The following SMYD4 variants were observed in gnomAD, a reference collection of about 807,000 sequenced individuals.
SMYD4 encodes the protein SET and MYND domain containing 4.
A neutral mutation model predicts 72.8 loss-of-function variants in SMYD4; 68 were observed. The observed-to-expected ratio is 0.93, with a 90% CI of 0.77 to 1.14. The LOEUF (loss-of-function observed/expected upper bound fraction) is 1.14, where lower values mean the gene tolerates loss of function less well. SMYD4 is among the 50% of genes most tolerant of loss of function. The pLI is 0.00. For synonymous variants in SMYD4, 407 were observed against 388.6 expected (o/e 1.05, Z -0.56); for missense variants, 984 against 1,003.7 (o/e 0.98, Z 0.27).
At chr17:1,784,577 G>GT in intron 7 of SMYD4, 116 bp from the exon 8 acceptor site, 1 of 1,506,382 alleles carries the variant, frequency 6.6e-7, no homozygotes, top group Non-Finnish European at 8.8e-7. Context: ...AGAGACTCCT[G>GT]TAACAATACA....
At chr17:1,784,581 CAA>C in intron 7 of SMYD4, 120 bp from the exon 8 acceptor site, 1 of 1,496,470 alleles carries the variant, frequency 6.7e-7, no homozygotes, top group Non-Finnish European at 8.9e-7. Flanking sequence ...ACTCCTGTAA[CAA>C]TACATCGTGA....
intron 5 of SMYD4, among the ~76,000 whole-genome samples, chr17:1,794,039 A>ATATATATGTGTG (rs1567770772): frequency 2.9e-5 from 2 of 68,068 alleles, no homozygotes; most frequent in African/African-American, 8.7e-5. Context: ...ATATATATGT[A>ATATATATGTGTG]TGTATATATA....
At chr17:1,781,495 T>A in intron 10 of SMYD4, 56 bp from the exon 11 acceptor site, 1 of 1,580,424 alleles carries the variant, frequency 6.3e-7, no homozygotes, top group South Asian at 1.1e-5. Flanking sequence ...CAAATGTTAA[T>A]TGAGGGCCTA....
chr17:1,799,987 G>C lies in SMYD4; in HGVS notation c.1407C>G (p.Asn469Lys), dbSNP rs1380757815. 6.2e-7 allele frequency: 1 copy of C among 1,614,008 alleles called. No homozygotes were observed. Among genetic ancestry groups the C allele is most frequent in the African/African-American group, 1.3e-5 (1 of 74,904 alleles). ...LQAIPTERIVNSSQLKAAVTP... is the reference protein window; with the variant it reads ...LQAIPTERIVKSSQLKAAVTP... ...TCACTGCTGCTTTAAGCTGAGAGGA[G>C]TTCACAATCCTCTCAGTTGGGATGG... The change falls in exon 5 of 11, where the codon AAC becomes AAG. Residue 469 changes from asparagine (N) to lysine (K), a missense_variant. Asn to Lys is a moderately conservative substitution (Grantham distance 94). Coordinates refer to ENST00000305513, the MANE Select transcript of SMYD4 (RefSeq NM_052928.3).
chr17:1,800,122 A>G lies in SMYD4; in HGVS notation c.1272T>C (p.Ala424=). 1 of 1,611,156 alleles carries G rather than the reference A, an allele frequency of 6.2e-7. No individual in the cohort carries two copies. Among genetic ancestry groups the G allele is most frequent in the South Asian group, 1.1e-5 (1 of 90,676 alleles). The part of the protein sequence containing the change: ...INGKYENNYN[A]VFNLLPHTEN... ...CAGTGTGGGGCAAAAGGTTGAAGAC[A>G]GCATTATAATTATTTTCATACTTCC... is the stretch of plus-strand genomic sequence containing the variant. Residue 424 remains alanine, a synonymous_variant, in exon 5 of 11, where the codon GCT becomes GCC. Transcript: ENST00000305513.
chr17:1,806,824 T>C (rs1390633280), intron 3 of SMYD4, among the ~76,000 whole-genome samples: 1 of 152,206 alleles, frequency 6.6e-6, no homozygotes, highest in African/African-American at 2.4e-5. Flanking sequence ...ATTCCTCTTC[T>C]AGGAATTAAT....
chr17:1,823,486 A>G (rs1259888562), intron 2 of SMYD4, among the ~76,000 whole-genome samples: 1 of 151,784 alleles, frequency 6.6e-6, no homozygotes, highest in African/African-American at 2.4e-5. Flanking sequence ...GATATTCTGG[A>G]ATACGAACAA....
At chr17:1,785,384 C>G (rs1278067983) in intron 7 of SMYD4, among the ~76,000 whole-genome samples, 1 of 146,680 alleles carries the variant, frequency 6.8e-6, no homozygotes, top group Non-Finnish European at 1.5e-5. Flanking sequence ...CGAGATTGCA[C>G]CACTGCACTC....
In SMYD4 at chr17:1,787,521, AGTGGT is replaced by A; in HGVS notation, c.1616_1620del (p.Asn539IlefsTer3). 4 of 1,590,840 alleles carry A rather than the reference AGTGGT, an allele frequency of 2.5e-6. No homozygotes were observed. Among genetic ancestry groups the A allele is most frequent in the Non-Finnish European group, 3.4e-6 (4 of 1,168,810 alleles). Reference sequence around the variant, plus strand: ...GACACGCTGGTGTTGGGGCTACAGGAGTGGTTCAGGAGGCTGATAACAGGGAAGAT... The same window carrying A: ...GACACGCTGGTGTTGGGGCTACAGGATCAGGAGGCTGATAACAGGGAAGAT... On this transcript the variant is annotated frameshift_variant, in exon 6 of 11. Transcript: ENST00000305513. LOFTEE classifies it high-confidence loss of function.
chr17:1,784,439 C>T lies in SMYD4; in HGVS notation c.1907G>A (p.Gly636Asp). The T allele has an allele frequency of 3.7e-6, 6 of 1,614,180 alleles. No homozygotes were observed. The highest frequency in any genetic ancestry group is 5.1e-6 in the Non-Finnish European group (6 of 1,180,040). ...GGCGGATTCTGCACAAGATCTGCTG[C>T]CACAGCGCAGCACGTCATCTCCCTG... ...PMQGDDVLRC[G>D]SRSCAESAVS... Residue 636 changes from glycine (G) to aspartate (D), a missense_variant, in exon 8 of 11, where the codon GGC (glycine) becomes GAC (aspartate). By Grantham distance (94) the Gly-to-Asp change is moderately conservative (BLOSUM62 -1). Coordinates refer to ENST00000305513, the MANE Select transcript of SMYD4 (RefSeq NM_052928.3).
chr17:1,824,866 C>G (rs1336079012), intron 2 of SMYD4, among the ~76,000 whole-genome samples: 1 of 151,990 alleles, frequency 6.6e-6, no homozygotes, highest in African/African-American at 2.4e-5. Context: ...TTCAAGTGAT[C>G]CTCCTGCCCC....
chr17:1,821,014 G>C (rs908787889), intron 2 of SMYD4, among the ~76,000 whole-genome samples: 5 of 152,078 alleles, frequency 3.3e-5, no homozygotes, highest in African/African-American at 1.2e-4. Context: ...ATTAGTGAGA[G>C]ACATACAGAG....
intron 7 of SMYD4, 80 bp from the exon 8 acceptor site, chr17:1,784,541 C>T: frequency 6.4e-7 from 1 of 1,569,864 alleles, no homozygotes; most frequent in Non-Finnish European, 8.6e-7. Flanking sequence ...CAGGACTGCT[C>T]CATAGTTTCT....
chr17:1,823,386 T>G (rs1290657931), intron 2 of SMYD4, among the ~76,000 whole-genome samples: 1 of 82,760 alleles, frequency 1.2e-5, no homozygotes, highest in Non-Finnish European at 2.1e-5. Context: ...AGAGCGAGAC[T>G]CCGTCTCAAA....
At chr17:1,812,707 C>T (rs550551259) in intron 2 of SMYD4, among the ~76,000 whole-genome samples, 1 of 151,542 alleles carries the variant, frequency 6.6e-6, no homozygotes, top group African/African-American at 2.4e-5. Context: ...CATCACCAGG[C>T]CCAGCTAATT....
At chr17:1,803,398 G>GA (rs1909871749) in intron 4 of SMYD4, among the ~76,000 whole-genome samples, 1 of 152,198 alleles carries the variant, frequency 6.6e-6, no homozygotes, top group South Asian at 2.1e-4. Flanking sequence ...CTTGGAACCT[G>GA]AAGTATTAGC....
intron 10 of SMYD4, chr17:1,782,741 T>C (rs939847969): frequency 1.3e-5 from 3 of 229,102 alleles, no homozygotes; most frequent in Admixed American, 1.1e-4. Context: ...TCTAAAAGCT[T>C]TCCCCATATC....
rs1017672833 is a variant in SMYD4, at chr17:1,829,871, T to C, written c.-158A>G. 2.7e-5 allele frequency: 10 copies of C among 371,768 alleles called. No individual in the cohort carries two copies. The highest frequency in any genetic ancestry group is 1.3e-4 in the African/African-American group (6 of 47,018). 23.0% of individuals were successfully genotyped at this position (371,768 alleles called of 1,614,324 possible). A position where few individuals can be genotyped will look rare whatever the true frequency, so the allele number is the denominator to read the frequency against. On this transcript the variant is annotated 5_prime_UTR_variant, in exon 1 of 11. Coordinates refer to ENST00000305513, the MANE Select transcript of SMYD4 (RefSeq NM_052928.3). ...GCTCCGCCCCGCACCGCGTCCGGCG[T>C]CCCGCGCCAGGCCTCGCTTGGGACC...
intron 3 of SMYD4, among the ~76,000 whole-genome samples, chr17:1,809,064 A>G (rs1910187045): frequency 6.6e-6 from 1 of 152,164 alleles, no homozygotes; most frequent in African/African-American, 2.4e-5. Context: ...TTTAACAGAG[A>G]CAGGGCCTCG....
Sources: allele counts gnomAD v4.1 joint callset (sites outside exome capture counted in the v4.1 genomes callset), GRCh38; gene constraint gnomAD v4.1.1; transcripts MANE v1.5; gene names NCBI Gene and HGNC (gene_info 2026-07-23, HGNC 2026-07-21).